The following ZNF568 variants were observed in gnomAD, a reference collection of about 807,000 sequenced individuals.
ZNF568 encodes the protein zinc finger protein 568.
A neutral mutation model predicts 18.1 loss-of-function variants in ZNF568; 11 were observed. The observed-to-expected ratio is 0.61, with a 90% confidence interval of 0.38 to 1.00. The LOEUF is 1.00. ZNF568 is among the 50% of genes least tolerant of loss of function. The probability of loss-of-function intolerance (pLI) is 0.01; values close to 1 mark genes in which losing one functional copy is unlikely to be tolerated. For missense variants in ZNF568, 639 were observed against 768.2 expected (o/e 0.83, Z 1.99); for synonymous variants, 213 against 246.6 (o/e 0.86, Z 1.28).
At chr19:36,974,611 T>G (rs2074265270) in intron 7 of ZNF568, 3 of 815,882 alleles carry the variant, frequency 3.7e-6, no homozygotes, top group Non-Finnish European at 3.9e-6. Flanking sequence ...AGCATTTTCC[T>G]AAAGCAGCCT....
At chr19:36,937,046 C>A in intron 5 of ZNF568, 101 bp from the exon 6 acceptor site, 1 of 1,382,096 alleles carries the variant, frequency 7.2e-7, no homozygotes, top group Non-Finnish European at 1.0e-6. Context: ...TAAGTTCATT[C>A]ATCCTCATCT....
chr19:36,979,356 T>C (rs1164168386), exon 8 of ZNF568: 1 of 152,446 alleles, frequency 6.6e-6, no homozygotes. Context: ...TAAGGGGGAC[T>C]GAACACCCAT....
rs938569648 is a variant in ZNF568 at position 36,967,490 on chromosome 19, G to C, written c.359-6930G>C. On this transcript the variant is annotated intron_variant, in intron 6 of 7. Coordinates refer to the ZNF568 transcript ENST00000427117. ...AGGCACGAGAATCACTTGAACCCGA[G>C]AGGCAGATATTACAGTGAGCTGAGA... Among the ~76,000 whole-genome samples, 4 of 152,124 alleles carry C rather than the reference G, an allele frequency of 2.6e-5. No individual in the cohort carries two copies. In the East Asian group the frequency reaches 7.7e-4, roughly 29 times the overall value.
chr19:36,945,142 G>A (rs934270301), intron 6 of ZNF568, among the ~76,000 whole-genome samples: 17 of 151,950 alleles, frequency 1.1e-4, no homozygotes, highest in African/African-American at 2.7e-4. Flanking sequence ...AAAACTCAGC[G>A]TAGAGAACAT....
At chr19:36,930,349 A>G (rs2073664977) in intron 4 of ZNF568, among the ~76,000 whole-genome samples, 1 of 151,800 alleles carries the variant, frequency 6.6e-6, no homozygotes, top group Non-Finnish European at 1.5e-5. Context: ...CGCTGGGACT[A>G]CAGACGCTCG....
chr19:36,977,629 A>C (rs2074296688), intron 7 of ZNF568, among the ~76,000 whole-genome samples: 1 of 152,180 alleles, frequency 6.6e-6, no homozygotes, highest in Admixed American at 6.5e-5. Flanking sequence ...AAACCTTCCT[A>C]AGATTATCAG....
chr19:36,959,993 T>C (rs1302767450), intron 6 of ZNF568, among the ~76,000 whole-genome samples: 1 of 152,116 alleles, frequency 6.6e-6, no homozygotes, highest in Non-Finnish European at 1.5e-5. Flanking sequence ...CTCCATTTCA[T>C]TTAATTCTGC....
chr19:36,983,370 A>G (rs2074347282), downstream of ZNF568, among the ~76,000 whole-genome samples: 1 of 152,060 alleles, frequency 6.6e-6, no homozygotes, highest in Admixed American at 6.6e-5. Context: ...TCTTCAGATT[A>G]TTTGTTTATT....
intron 4 of ZNF568, among the ~76,000 whole-genome samples, chr19:36,932,236 T>C (rs957540964): frequency 1.3e-5 from 2 of 152,252 alleles, no homozygotes; most frequent in African/African-American, 4.8e-5. Flanking sequence ...CTGAAGTTTG[T>C]ACATAGAAAT....
chr19:36,946,366 T>G (rs2073964631), intron 6 of ZNF568, among the ~76,000 whole-genome samples: 1 of 152,138 alleles, frequency 6.6e-6, no homozygotes, highest in Non-Finnish European at 1.5e-5. Flanking sequence ...GTTATGATTG[T>G]TGACATATTG....
At chr19:36,945,094 A>G (rs2073940594) in intron 6 of ZNF568, among the ~76,000 whole-genome samples, 1 of 152,036 alleles carries the variant, frequency 6.6e-6, no homozygotes, top group Admixed American at 6.6e-5. Context: ...CTAAAGTTAC[A>G]GTCAGAGAAG....
At chr19:36,961,137 T>C (rs1000155235) in intron 6 of ZNF568, among the ~76,000 whole-genome samples, 2 of 152,182 alleles carry the variant, frequency 1.3e-5, no homozygotes, top group Non-Finnish European at 2.9e-5. Context: ...ATTATTATTG[T>C]AATGCAGTCT....
intron 7 of ZNF568, among the ~76,000 whole-genome samples, chr19:36,975,324 T>C (rs35624635): frequency 0.024 from 3,651 of 151,152 alleles, 157 homozygotes; most frequent in African/African-American, 0.083. Context: ...ATTTTTTGTA[T>C]TTTTAGTAGA....
downstream of ZNF568, among the ~76,000 whole-genome samples, chr19:36,956,435 TC>T (rs2074107767): frequency 6.6e-6 from 1 of 152,120 alleles, no homozygotes; most frequent in Non-Finnish European, 1.5e-5. Context: ...AATTTCTCTT[TC>T]CATCCAGTTC....
chr19:36,930,468 CAAAGTGCTGGG>C (rs1280328751), intron 4 of ZNF568, among the ~76,000 whole-genome samples: 1 of 152,130 alleles, frequency 6.6e-6, no homozygotes, highest in Admixed American at 6.5e-5. Flanking sequence ...CTCGGCCTCC[CAAAGTGCTGGG>C]ATTACAAGCA....
chr19:36,928,709 ATT>A (rs950939416), intron 4 of ZNF568, among the ~76,000 whole-genome samples: 6 of 152,142 alleles, frequency 3.9e-5, no homozygotes, highest in Admixed American at 3.9e-4. Flanking sequence ...AATCAATACC[ATT>A]TTTCTCTATA....
intron 2 of ZNF568, among the ~76,000 whole-genome samples, chr19:36,918,807 G>A (rs1294142366): frequency 6.6e-6 from 1 of 151,892 alleles, no homozygotes; most frequent in Non-Finnish European, 1.5e-5. Flanking sequence ...CCTTTCCCCC[G>A]GCCTATGGCA....
chr19:36,931,018 T>C (rs1453777784), intron 4 of ZNF568, among the ~76,000 whole-genome samples: 1 of 152,190 alleles, frequency 6.6e-6, no homozygotes. Context: ...CGTTCATTCT[T>C]ATCCTTGGGG....
At chr19:36,946,827 T>A (rs907468821) in intron 6 of ZNF568, among the ~76,000 whole-genome samples, 2 of 151,208 alleles carry the variant, frequency 1.3e-5, no homozygotes, top group Admixed American at 1.3e-4. Flanking sequence ...TAATTTTGTA[T>A]TTTTAGTAGA....
Sources: gnomAD v4.1 joint callset for allele counts (sites outside exome capture counted in the v4.1 genomes callset) on GRCh38, gnomAD v4.1.1 for gene constraint, MANE v1.5 for transcripts, NCBI Gene and HGNC (gene_info 2026-07-23, HGNC 2026-07-21) for gene names.